The following RAD21L1 variants were observed in gnomAD, a reference collection of about 807,000 sequenced individuals.
The protein encoded by RAD21L1 is RAD21 cohesin complex component like 1, also known as double-strand-break repair protein rad21-like protein 1.
Under a neutral mutation model 69.0 loss-of-function variants are expected in RAD21L1, and 47 were observed. That is an observed-to-expected ratio of 0.68 (90% CI 0.54 to 0.87). The LOEUF (loss-of-function observed/expected upper bound fraction) is 0.87. Among genes scored for constraint, RAD21L1 ranks in the 40% least tolerant of loss-of-function variants. The pLI, the probability that RAD21L1 is intolerant of heterozygous loss-of-function variation, is 0.00. For synonymous variants in RAD21L1, 177 were observed against 205.8 expected, an observed-to-expected ratio of 0.86 and a Z score of 1.20; for missense variants, 583 against 647.6, an observed-to-expected ratio of 0.90 and a Z score of 1.08.
At chr20:1,230,473 T>C in intron 3 of RAD21L1, 2 of 709,712 alleles carry the variant, frequency 2.8e-6, no homozygotes, top group Non-Finnish European at 3.5e-6. Flanking sequence ...GATTTACATA[T>C]GTCATAAATA....
chr20:1,242,379 C>T (rs1323356987), intron 8 of RAD21L1, among the ~76,000 whole-genome samples: 3 of 152,090 alleles, frequency 2.0e-5, no homozygotes, highest in South Asian at 2.1e-4. Context: ...TCTACAGGTG[C>T]GTGCTACCAT....
intron 11 of RAD21L1, among the ~76,000 whole-genome samples, chr20:1,245,704 C>G (rs1171902129): frequency 6.6e-6 from 1 of 152,114 alleles, no homozygotes; most frequent in Admixed American, 6.6e-5. Context: ...GGTTCTTCTT[C>G]CCTTTTGCCC....
In RAD21L1 at chr20:1,242,851, G is replaced by A. The variant is rs17717217; in HGVS notation, c.1083+6G>A. On this transcript the variant is annotated splice_donor_region_variant and intron_variant, in intron 9 of 13. Transcript: ENST00000683101. ...TTCATGCTGAACTGAAAATGGTAACGGTTCCTACCCTTCTACATGTGAGCA... is the reference window on the plus strand; with the variant it reads ...TTCATGCTGAACTGAAAATGGTAACAGTTCCTACCCTTCTACATGTGAGCA... 68,266 of 1,533,100 alleles carry A rather than the reference G, an allele frequency of 0.045. 1,711 individuals are homozygous for A. Among genetic ancestry groups the A allele is most frequent in the Middle Eastern group, 0.056 (334 of 5,948 alleles). The allele number at this position is 1,533,100 out of a possible 1,614,324, so 95.0% of individuals were successfully genotyped here. A position where few individuals can be genotyped will look rare whatever the true frequency, so the allele number is the denominator to read the frequency against.
chr20:1,248,598 T>G, intron 12 of RAD21L1, 28 bp from the exon 13 acceptor site: 16 of 1,398,340 alleles, frequency 1.1e-5, no homozygotes, highest in Non-Finnish European at 1.5e-5. Flanking sequence ...TTTGCTTAAA[T>G]TAAATATTTT....
chr20:1,251,613 TG>T (rs1421605413), intron 13 of RAD21L1, among the ~76,000 whole-genome samples: 2 of 151,990 alleles, frequency 1.3e-5, no homozygotes, highest in African/African-American at 2.4e-5. Context: ...GGTCAGATGT[TG>T]GATCTCCTGA....
At chr20:1,252,812 C>G (rs1282936587) in intron 13 of RAD21L1, among the ~76,000 whole-genome samples, 4 of 152,188 alleles carry the variant, frequency 2.6e-5, no homozygotes, top group Admixed American at 6.5e-5. Context: ...GGCTTCCCCC[C>G]TGCCAGCACT....
intron 4 of RAD21L1, among the ~76,000 whole-genome samples, chr20:1,233,314 T>A (rs958665280): frequency 3.3e-5 from 5 of 151,990 alleles, no homozygotes; most frequent in Admixed American, 2.0e-4. Context: ...AGTATACATT[T>A]AAAAAAAGTA....
At chr20:1,232,803 G>A (rs990219763) in intron 4 of RAD21L1, among the ~76,000 whole-genome samples, 1 of 152,148 alleles carries the variant, frequency 6.6e-6, no homozygotes, top group Non-Finnish European at 1.5e-5. Flanking sequence ...AAGAGGTGGG[G>A]CTCTGAAGCC....
chr20:1,228,418 C>G lies in RAD21L1; in HGVS notation c.-32-4C>G. On this transcript the variant is annotated splice_region_variant and splice_polypyrimidine_tract_variant and intron_variant, in intron 1 of 13. Coordinates refer to ENST00000683101, the MANE Select transcript of RAD21L1 (RefSeq NM_001384355.1). ...TTTTAAATTTCTTTTCGTGTTCTCT[C>G]TAGTTTGTTAAATACAAGTAAGGAA... The G allele has an allele frequency of 7.1e-7, 1 of 1,414,014 alleles. No individual in the cohort carries two copies. The highest frequency in any genetic ancestry group is 1.6e-5 in the South Asian group (1 of 63,408). 87.6% of individuals were successfully genotyped at this position (1,414,014 alleles called of 1,614,324 possible). A position where few individuals can be genotyped will look rare whatever the true frequency, so the allele number is the denominator to read the frequency against.
intron 5 of RAD21L1, among the ~76,000 whole-genome samples, chr20:1,235,502 A>C (rs2087475452): frequency 6.6e-6 from 1 of 152,192 alleles, no homozygotes; most frequent in Admixed American, 6.6e-5. Flanking sequence ...ACAAGTCTTA[A>C]GTTTTGTTAT....
intron 1 of RAD21L1, among the ~76,000 whole-genome samples, chr20:1,227,611 A>G (rs1181228492): frequency 6.6e-6 from 1 of 152,232 alleles, no homozygotes; most frequent in Non-Finnish European, 1.5e-5. Flanking sequence ...TCTTCCCTAG[A>G]AGTCAACCAA....
At chr20:1,231,432 G>A (rs2087388813) in intron 3 of RAD21L1, 94 bp from the exon 4 acceptor site, 1 of 689,134 alleles carries the variant, frequency 1.5e-6, no homozygotes, top group Admixed American at 2.8e-5. Flanking sequence ...GTTAGAATAA[G>A]CAGTAGTCCA....
In RAD21L1 at chr20:1,238,177, T is replaced by C. The variant is rs1376675179; in HGVS notation, c.609T>C (p.Asp203=). ...GERSLFYDSG[D]GFGDEGAAGE... ...GATCTCTATTCTATGACAGTGGAGA[T>C]GGGTTTGGAGATGAAGGAGCTGCAG... The change falls in exon 6 of 14, where the codon GAT becomes GAC. Residue 203 remains aspartate (D), a synonymous_variant. Transcript: ENST00000683101. The C allele has an allele frequency of 6.5e-7, 1 of 1,532,464 alleles. No individual in the cohort carries two copies. The highest frequency in any genetic ancestry group is 8.8e-7 in the Non-Finnish European group (1 of 1,134,758). 94.9% of individuals were successfully genotyped at this position (1,532,464 alleles called of 1,614,324 possible).
At chr20:1,244,408 T>C (rs1433077100) in intron 11 of RAD21L1, among the ~76,000 whole-genome samples, 1 of 152,188 alleles carries the variant, frequency 6.6e-6, no homozygotes, top group Non-Finnish European at 1.5e-5. Context: ...GTATTTTGCA[T>C]GATACGTTAA....
Position 1,238,121 on chromosome 20 carries a change from G to T in RAD21L1, c.553G>T (p.Glu185Ter). ...ILLNSSGPLI[E>*]HSSGSLTGER... ...ACTGAATTCCAGTGGTCCTTTAATT[G>T]AACATAGTTCTGGAAGCCTCACTGG... The change falls in exon 6 of 14, where the codon GAA (glutamate) becomes TAA (stop). Residue 185 changes from glutamate (E) to a stop codon, truncating the protein, a stop_gained. Transcript: ENST00000683101. LOFTEE classifies it high-confidence loss of function. The T allele has an allele frequency of 6.5e-7, 1 of 1,543,666 alleles. No homozygotes were observed. The highest frequency in any genetic ancestry group is 2.5e-5 in the East Asian group (1 of 40,796).
intron 13 of RAD21L1, among the ~76,000 whole-genome samples, chr20:1,251,813 T>C (rs1287200215): frequency 1.3e-5 from 2 of 152,174 alleles, no homozygotes; most frequent in African/African-American, 4.8e-5. Context: ...TTTTATAGCA[T>C]CATAATATTT....
In RAD21L1 at chr20:1,244,137, T is replaced by G. The variant is rs2087674509; in HGVS notation, c.1275T>G (p.Ser425=). 1 of 1,546,822 alleles carries G rather than the reference T, an allele frequency of 6.5e-7. No individual in the cohort carries two copies. The highest frequency in any genetic ancestry group is 1.4e-5 in the African/African-American group (1 of 72,928). The part of the protein sequence containing the change: ...KDVIGGSQHS[S]HEDTNKNINS... Reference sequence around the variant, plus strand: ...TGATTGGTGGATCTCAGCATAGCTCTCATGAGGATACCAATAAAAATATTA... The same window carrying G: ...TGATTGGTGGATCTCAGCATAGCTCGCATGAGGATACCAATAAAAATATTA... Residue 425 remains serine, a synonymous_variant, in exon 11 of 14, where the codon TCT becomes TCG. Coordinates refer to ENST00000683101, the MANE Select transcript of RAD21L1 (RefSeq NM_001384355.1).
intron 13 of RAD21L1, among the ~76,000 whole-genome samples, chr20:1,253,399 C>T (rs887049986): frequency 2.0e-5 from 3 of 152,210 alleles, no homozygotes; most frequent in South Asian, 2.1e-4. Context: ...TGGTTTCAAG[C>T]GATTCTTCTG....
At chr20:1,243,994 C>G in intron 10 of RAD21L1, 52 bp from the exon 11 acceptor site, 3 of 1,497,248 alleles carry the variant, frequency 2.0e-6, no homozygotes, top group Non-Finnish European at 2.7e-6. Context: ...TATCACAATT[C>G]AAGTTTGAAA....
Sources: allele counts gnomAD v4.1 joint callset (sites outside exome capture counted in the v4.1 genomes callset), GRCh38; gene constraint gnomAD v4.1.1; transcripts MANE v1.5; gene names NCBI Gene and HGNC (gene_info 2026-07-23, HGNC 2026-07-21).